The following ADAMTS16 variants were observed in gnomAD, a reference collection of about 807,000 sequenced individuals.
ADAMTS16 encodes the protein ADAM metallopeptidase with thrombospondin type 1 motif 16, also known as A disintegrin and metalloproteinase with thrombospondin motifs 16.
Under a neutral mutation model 145.8 loss-of-function variants are expected in ADAMTS16, and 94 were observed. The ratio of observed to expected loss-of-function variants is 0.64; its 90% confidence interval spans 0.55 to 0.77. ADAMTS16 has a LOEUF of 0.77. ADAMTS16 is among the 30% of genes least tolerant of loss of function. ADAMTS16 has a pLI of 0.00. For missense variants in ADAMTS16, 1,585 were observed against 1,591.5 expected (o/e 1.00, Z 0.07); for synonymous variants, 659 against 604.3 (o/e 1.09, Z -1.33).
At position 5,211,610 on chromosome 5, in the gene ADAMTS16, G is replaced by A. The variant is rs150792970; in HGVS notation, c.1605+2364G>A. On this transcript the variant is annotated intron_variant, in intron 10 of 22. Coordinates refer to ENST00000274181, the MANE Select transcript of ADAMTS16 (RefSeq NM_139056.4). The stretch of plus-strand genomic sequence containing the variant: ...CAAGGCTAGTATGCCTGTCTTTTTC[G>A]TGCCCTTTGAAGTAGCAGCTTGAAT... Among the ~76,000 whole-genome samples, 60 of 151,648 alleles carry A rather than the reference G, an allele frequency of 4.0e-4. No homozygotes were observed. The East Asian group carries it at 8.5e-3, about 22-fold the overall frequency.
chr5:5,219,954 C>T (rs1560954440), intron 10 of ADAMTS16, among the ~76,000 whole-genome samples: 2 of 152,156 alleles, frequency 1.3e-5, no homozygotes, highest in East Asian at 1.9e-4. Context: ...TCATGGTCAT[C>T]TTAAGTCATC....
intron 21 of ADAMTS16, among the ~76,000 whole-genome samples, chr5:5,307,804 G>A (rs777533026): frequency 2.3e-4 from 35 of 152,158 alleles, no homozygotes; most frequent in Non-Finnish European, 4.6e-4. Context: ...GCTCGATGGG[G>A]TCCACACGTG....
At position 5,235,160 on chromosome 5, in the gene ADAMTS16, AGTG is replaced by A; in HGVS notation, c.1999_2001del (p.Trp667del). ...AGACGATTCAGAGGGCGGCACTACA[AGTG>A]GAAGCCTTACACTCAAGTAGAAGGT... On this transcript the variant is annotated inframe_deletion, in exon 13 of 23. Transcript: ENST00000274181. The A allele has an allele frequency of 3.8e-6, 6 of 1,582,868 alleles. No individual in the cohort carries two copies. The highest frequency in any genetic ancestry group is 4.3e-6 in the Non-Finnish European group (5 of 1,155,508).
intron 16 of ADAMTS16, among the ~76,000 whole-genome samples, chr5:5,240,503 C>T (rs1338960765): frequency 2.6e-5 from 4 of 152,204 alleles, no homozygotes; most frequent in African/African-American, 4.8e-5. Context: ...TCCTCGCATG[C>T]GACTGTGCAG....
rs566295734 is a variant in ADAMTS16 at position 5,301,810 on chromosome 5, G to A, written c.2790-1458G>A. ...CCTAACTCTACTCAGCAATGCCGTA[G>A]AGTGGAAGACAGGATGCCCCTGTCC... On this transcript the variant is annotated intron_variant, in intron 18 of 22. Transcript: ENST00000274181. Among the ~76,000 whole-genome samples the A allele has an allele frequency of 2.6e-5, 4 of 152,338 alleles. No individual in the cohort carries two copies. The South Asian group carries it at 8.3e-4, about 32-fold the overall frequency.
chr5:5,267,649 G>A (rs575800600), intron 18 of ADAMTS16, among the ~76,000 whole-genome samples: 18 of 152,188 alleles, frequency 1.2e-4, no homozygotes, highest in Non-Finnish European at 2.5e-4. Flanking sequence ...AATATGTTTC[G>A]CTCGACGTCC....
chr5:5,270,964 C>T (rs538789705), intron 18 of ADAMTS16, among the ~76,000 whole-genome samples: 4 of 152,192 alleles, frequency 2.6e-5, no homozygotes, highest in African/African-American at 7.2e-5. Flanking sequence ...CCCCACAGTT[C>T]GTGCTCTGTC....
intron 11 of ADAMTS16, among the ~76,000 whole-genome samples, chr5:5,227,188 T>G (rs1736790168): frequency 6.6e-6 from 1 of 152,254 alleles, no homozygotes; most frequent in Non-Finnish European, 1.5e-5. Context: ...ATGATGCCCA[T>G]TTGATGACTC....
intron 3 of ADAMTS16, among the ~76,000 whole-genome samples, chr5:5,156,922 C>A (rs77499428): frequency 0.015 from 2,339 of 152,310 alleles, 50 homozygotes; most frequent in African/African-American, 0.054. Context: ...CCCCTACCAA[C>A]TCTCAAGTGC....
rs777730912 is a variant in ADAMTS16, at chr5:5,306,682, C to T, written c.3365C>T (p.Ala1122Val). Residue 1122 changes from alanine (A) to valine (V), a missense_variant, in exon 21 of 23, where the codon GCT (alanine) becomes GTT (valine). Transcript: ENST00000274181. Reference sequence around the variant, plus strand: ...TGCCCCAGGCACCCCCCATTTGCTGCTGCGGGACCCTCGAGGGGCAGCTGG... The same window carrying T: ...TGCCCCAGGCACCCCCCATTTGCTGTTGCGGGACCCTCGAGGGGCAGCTGG... ...LPCPRHPPFAAAGPSRGSWFA... is the reference protein window; with the variant it reads ...LPCPRHPPFAVAGPSRGSWFA... The T allele has an allele frequency of 2.5e-6, 4 of 1,613,790 alleles. No individual in the cohort carries two copies. The highest frequency in any genetic ancestry group is 3.4e-6 in the Non-Finnish European group (4 of 1,179,926).
At chr5:5,318,101 G>T in intron 21 of ADAMTS16, 33 bp from the exon 22 acceptor site, 1 of 1,350,122 alleles carries the variant, frequency 7.4e-7, no homozygotes, top group East Asian at 2.8e-5. Context: ...GAGAGCCTGG[G>T]GCCATGGTGA....
rs11958526 is a variant in ADAMTS16, at chr5:5,317,368, T to A, written c.3412-766T>A. Among the ~76,000 whole-genome samples the A allele has an allele frequency of 0.051, 7,776 of 152,218 alleles. 248 individuals are homozygous for A. The highest frequency in any genetic ancestry group is 0.12 in the East Asian group (607 of 5,172). On this transcript the variant is annotated intron_variant, in intron 21 of 22. Coordinates refer to ENST00000274181, the MANE Select transcript of ADAMTS16 (RefSeq NM_139056.4). The surrounding 1 kb of genome is among the most constrained non-coding windows in gnomAD (Gnocchi z 4.5). The stretch of plus-strand genomic sequence containing the variant: ...GCCAATCCATGAATATCAGCTTTTT[T>A]AATCAGTATACTTACTTACTTACTT...
intron 14 of ADAMTS16, among the ~76,000 whole-genome samples, chr5:5,237,923 C>T (rs541557207): frequency 1.3e-5 from 2 of 152,288 alleles, no homozygotes; most frequent in East Asian, 3.9e-4. Context: ...GCAGATCAAA[C>T]ACATTGCATG....
intron 8 of ADAMTS16, among the ~76,000 whole-genome samples, chr5:5,199,152 C>G (rs924986550): frequency 1.3e-5 from 2 of 152,168 alleles, no homozygotes; most frequent in Admixed American, 1.3e-4. Flanking sequence ...TGAGAGCACT[C>G]AAGGCCCTCC....
At position 5,305,551 on chromosome 5, in the gene ADAMTS16, C is replaced by CAT. The variant is rs531899127; in HGVS notation, c.3187-952_3187-951insTA. ...ACACATCCCACACCATACACACACA[C>CAT]ACACACACACGTCAGAGCTTCTCTC... On this transcript the variant is annotated intron_variant, in intron 20 of 22. Transcript: ENST00000274181. Among the ~76,000 whole-genome samples the CAT allele has an allele frequency of 7.9e-3, 1,011 of 128,660 alleles. 17 individuals carry two copies. Among genetic ancestry groups the CAT allele is most frequent in the Non-Finnish European group, 9.7e-3 (550 of 56,880 alleles). The allele number at this position is 128,660 out of a possible 152,430, so 84.4% of individuals were successfully genotyped here. A position where few individuals can be genotyped will look rare whatever the true frequency, so the allele number is the denominator to read the frequency against.
At chr5:5,193,024 A>G (rs2126579695) in intron 8 of ADAMTS16, among the ~76,000 whole-genome samples, 1 of 152,180 alleles carries the variant, frequency 6.6e-6, no homozygotes, top group Non-Finnish European at 1.5e-5. Context: ...TTAAATTTCA[A>G]CCTGATTTTA....
intron 14 of ADAMTS16, 121 bp from the exon 15 acceptor site, chr5:5,239,030 A>G: frequency 9.0e-7 from 1 of 1,115,090 alleles, no homozygotes. Flanking sequence ...TTTGTTAACT[A>G]CCCTATGTTG....
Position 5,184,858 on chromosome 5 carries a change from T to C in ADAMTS16, c.764-1194T>C, listed in dbSNP as rs1356069307. Among the ~76,000 whole-genome samples, 9 of 152,124 alleles carry C rather than the reference T, an allele frequency of 5.9e-5. 1 individual carries two copies. The highest frequency in any genetic ancestry group is 5.9e-4 in the Admixed American group (9 of 15,268). ...GTAGCTGCTGAGCCCTGTGCTAACA[T>C]GTTGTTTTCATCCTAAAGCCATTTT... is the stretch of plus-strand genomic sequence containing the variant. On this transcript the variant is annotated intron_variant, in intron 4 of 22. Transcript: ENST00000274181.
chr5:5,281,393 A>G (rs929843890), intron 18 of ADAMTS16, among the ~76,000 whole-genome samples: 12 of 152,252 alleles, frequency 7.9e-5, no homozygotes, highest in African/African-American at 1.2e-4. Context: ...TTTGATCAAA[A>G]TCAAATTTAA....
Sources: allele counts gnomAD v4.1 joint callset (sites outside exome capture counted in the v4.1 genomes callset), GRCh38; gene constraint gnomAD v4.1.1; non-coding constraint Gnocchi (gnomAD v3.1); transcripts MANE v1.5; gene names NCBI Gene and HGNC (gene_info 2026-07-23, HGNC 2026-07-21).